PIEZO1: variants seen among roughly 807,000 people sequenced by gnomAD.
PIEZO1 encodes the protein piezo type mechanosensitive ion channel component 1 (Er blood group).
In PIEZO1, 296 loss-of-function variants were observed where a neutral mutation model predicts 297.2. The ratio of observed to expected loss-of-function variants is 1.00; its 90% CI spans 0.91 to 1.10. The LOEUF (loss-of-function observed/expected upper bound fraction) is 1.10, where lower values mean the gene tolerates loss of function less well. PIEZO1 is among the 50% of genes least tolerant of loss of function. The probability of loss-of-function intolerance (pLI) is 0.00; values close to 1 mark genes in which losing one functional copy is unlikely to be tolerated. For synonymous variants in PIEZO1, 2,427 were observed against 1,507.5 expected, an observed-to-expected ratio of 1.61 and a Z score of -14.13; for missense variants, 5,018 against 3,455.5, an observed-to-expected ratio of 1.45 and a Z score of -11.34.
At chr16:88,741,290 AG>A in intron 5 of PIEZO1, 187 bp downstream of exon 5, 2 of 548,000 alleles carry the variant, frequency 3.6e-6, no homozygotes, top group Non-Finnish European at 6.4e-6. Flanking sequence ...GAGTAGAAAC[AG>A]GTCTGAACGG....
At position 88,716,199 on chromosome 16, in the gene PIEZO1, G is replaced by A. The variant is rs750302950; in HGVS notation, c.7128C>T (p.Pro2376=). 9 of 1,500,998 alleles carry A rather than the reference G, an allele frequency of 6.0e-6. No homozygotes were observed. The highest frequency in any genetic ancestry group is 1.7e-4 in the Middle Eastern group (1 of 5,716). The allele number at this position is 1,500,998 out of a possible 1,614,324, so 93.0% of individuals were successfully genotyped here. ...PEANPVKQLQ[P]NEEADYLGVR... is the part of the protein sequence containing the mutation. ...CCCAACCCCCACGCCCATACTCACT[G>A]GGCTGCAGCTGCTTCACAGGGTTGG... Residue 2376 remains proline, a splice_region_variant and synonymous_variant, in exon 49 of 51, where the codon CCC becomes CCT. Coordinates refer to ENST00000301015, the MANE Select transcript of PIEZO1 (RefSeq NM_001142864.4).
At chr16:88,781,104 G>A (rs1907913290) in intron 1 of PIEZO1, among the ~76,000 whole-genome samples, 1 of 152,254 alleles carries the variant, frequency 6.6e-6, no homozygotes, top group Non-Finnish European at 1.5e-5. Context: ...GGACCCTGAC[G>A]ACTGCGGTGG....
At chr16:88,737,403 A>G in intron 10 of PIEZO1, 156 bp downstream of exon 10, 11 of 575,522 alleles carry the variant, frequency 1.9e-5, no homozygotes, top group Admixed American at 9.8e-5. Context: ...CTCGGGGGTC[A>G]CTGACACCGA....
chr16:88,733,135 A>G, intron 19 of PIEZO1, 143 bp downstream of exon 19: 1 of 737,262 alleles, frequency 1.4e-6, no homozygotes, highest in Non-Finnish European at 2.2e-6. Flanking sequence ...TGCCTCCAGG[A>G]AGCCCCCTTG....
intron 1 of PIEZO1, among the ~76,000 whole-genome samples, chr16:88,753,818 G>A (rs754569418): frequency 6.6e-6 from 1 of 152,220 alleles, no homozygotes; most frequent in Non-Finnish European, 1.5e-5. Flanking sequence ...TGGAGGAGAC[G>A]GCATTGCTTT....
At chr16:88,754,687 C>G (rs1327914287) in intron 1 of PIEZO1, among the ~76,000 whole-genome samples, 1 of 152,240 alleles carries the variant, frequency 6.6e-6, no homozygotes, top group African/African-American at 2.4e-5. Context: ...GACCCAAGGC[C>G]AGGATTTTGA....
At chr16:88,770,443 C>A (rs957979955) in intron 1 of PIEZO1, among the ~76,000 whole-genome samples, 6 of 152,222 alleles carry the variant, frequency 3.9e-5, no homozygotes, top group African/African-American at 1.4e-4. Flanking sequence ...CCTGGCCAGG[C>A]TGTAGCGAGG....
chr16:88,731,924 AGGGCGGGGTGT>A lies in PIEZO1; in HGVS notation c.2992-25_2992-15del. ...CAGGAAGCAGATCTGGGGAGGGGAGAGGGCGGGGTGTGGGGATGCACTGAGTCTGGGGGGAG... is the reference window on the plus strand; with the variant it reads ...CAGGAAGCAGATCTGGGGAGGGGAGAGGGGATGCACTGAGTCTGGGGGGAG... On this transcript the variant is annotated splice_polypyrimidine_tract_variant and intron_variant, in intron 21 of 50. Coordinates refer to ENST00000301015, the MANE Select transcript of PIEZO1 (RefSeq NM_001142864.4). 1.9e-6 allele frequency: 1 copy of A among 513,032 alleles called. No homozygotes were observed. Among genetic ancestry groups the A allele is most frequent in the Non-Finnish European group, 2.6e-6 (1 of 378,200 alleles). The allele number at this position is 513,032 out of a possible 1,614,324, so 31.8% of individuals were successfully genotyped here. A position where few individuals can be genotyped will look rare whatever the true frequency, so the allele number is the denominator to read the frequency against.
chr16:88,780,281 CCA>C (rs1478136570), intron 1 of PIEZO1, among the ~76,000 whole-genome samples: 3 of 152,204 alleles, frequency 2.0e-5, no homozygotes, highest in Non-Finnish European at 4.4e-5. Flanking sequence ...TTCCCTCACC[CCA>C]GAGTCCTAAT....
At chr16:88,721,488 G>T in intron 38 of PIEZO1, 50 bp downstream of exon 38, 1 of 1,538,302 alleles carries the variant, frequency 6.5e-7, no homozygotes, top group East Asian at 2.5e-5. Flanking sequence ...GAGCACAGGT[G>T]CCCAGAGGGC....
Position 88,722,375 on chromosome 16 carries a change from G to A in PIEZO1, c.4798C>T (p.Leu1600Phe), listed in dbSNP as rs1004475625. The A allele has an allele frequency of 2.6e-6, 4 of 1,517,896 alleles. No individual in the cohort carries two copies. The African/African-American group carries it at 5.5e-5, about 21-fold the overall frequency. The allele number at this position is 1,517,896 out of a possible 1,614,324, so 94.0% of individuals were successfully genotyped here. The change falls in exon 36 of 51, where the codon CTC becomes TTC. Residue 1600 changes from leucine (L) to phenylalanine (F), a missense_variant. Transcript: ENST00000301015. ...CCCATGTCGTCTGTCATGCTGCTGA[G>A]TGGCTCCTCCGCGCCCAGCCCACTG... Reference protein sequence around the residue: ...VSSGLGAEEPLSSMTDDMGSP... With the variant: ...VSSGLGAEEPFSSMTDDMGSP...
chr16:88,737,945 G>A lies in PIEZO1; in HGVS notation c.1009C>T (p.Pro337Ser), dbSNP rs556220156. Residue 337 changes from proline to serine, a missense_variant, in exon 8 of 51, where the codon CCC (proline) becomes TCC (serine). Coordinates refer to ENST00000301015, the MANE Select transcript of PIEZO1 (RefSeq NM_001142864.4). The part of the protein sequence containing the change: ...ASLRKLRAYR[P>S]SGQRKEAAKG... ...TGGCAGGTGCTCACCTGGCCGGAGG[G>A]GCGGTACGCGCGGAGCTTGCGCAGA... 3.5e-4 allele frequency: 532 copies of A among 1,530,454 alleles called. 2 individuals are homozygous for A. The highest frequency in any genetic ancestry group is 2.8e-3 in the Middle Eastern group (17 of 5,974). The allele number at this position is 1,530,454 out of a possible 1,614,324, so 94.8% of individuals were successfully genotyped here.
At chr16:88,770,178 G>C (rs963397546) in intron 1 of PIEZO1, among the ~76,000 whole-genome samples, 7 of 152,112 alleles carry the variant, frequency 4.6e-5, no homozygotes, top group African/African-American at 1.4e-4. Context: ...GCCTCGGTCT[G>C]TCGGGACAGA....
rs369524779 is a variant in PIEZO1 at position 88,720,304 on chromosome 16, G to A, written c.5950-21C>T. 60 of 1,550,142 alleles carry A rather than the reference G, an allele frequency of 3.9e-5. No homozygotes were observed. In the East Asian group the frequency reaches 1.1e-3, roughly 29 times the overall value. On this transcript the variant is annotated intron_variant, in intron 41 of 50. Transcript: ENST00000301015. ...TGCTTCTGTGGCCAGGAGAGCACAG[G>A]TCAGGGGGAGCCAAGCCCAGGGGAT...
At position 88,727,089 on chromosome 16, in the gene PIEZO1, C is replaced by T. The variant is rs573464245; in HGVS notation, c.3405G>A (p.Leu1135=). ...GGTTGGGCTCCCCCCGCAGCGGCTC[C>T]AGGCGGTCGGTGTTGACGCCAGCCA... The part of the protein sequence containing the change: ...QRMAGVNTDR[L]EPLRGEPNPV... Residue 1135 remains leucine (L), a synonymous_variant, in exon 24 of 51, where the codon CTG becomes CTA. Transcript: ENST00000301015. 2 of 1,549,846 alleles carry T rather than the reference C, an allele frequency of 1.3e-6. No homozygotes were observed. The highest frequency in any genetic ancestry group is 1.4e-5 in the African/African-American group (1 of 73,166).
At chr16:88,737,905 C>T in intron 8 of PIEZO1, 29 bp downstream of exon 8, 2 of 1,530,186 alleles carry the variant, frequency 1.3e-6, no homozygotes, top group Non-Finnish European at 1.8e-6. Context: ...CTGGCCTCAG[C>T]CCACCCACCA....
Position 88,716,215 on chromosome 16 carries a change from A to C in PIEZO1, c.7112T>G (p.Val2371Gly). 1 of 1,499,608 alleles carries C rather than the reference A, an allele frequency of 6.7e-7. No homozygotes were observed. The highest frequency in any genetic ancestry group is 1.3e-5 in the South Asian group (1 of 75,854). 92.9% of individuals were successfully genotyped at this position (1,499,608 alleles called of 1,614,324 possible). Residue 2371 changes from valine (V) to glycine (G), a missense_variant, in exon 49 of 51, where the codon GTG becomes GGG. Transcript: ENST00000301015. ...ATACTCACTGGGCTGCAGCTGCTTC[A>C]CAGGGTTGGCTTCGGGCCCGTTGGG... ...RAPNGPEANP[V>G]KQLQPNEEAD... is the part of the protein sequence containing the mutation.
At chr16:88,728,317 T>C (rs1904600570) in intron 22 of PIEZO1, among the ~76,000 whole-genome samples, 1 of 152,202 alleles carries the variant, frequency 6.6e-6, no homozygotes, top group Admixed American at 6.5e-5. Flanking sequence ...ACTGAGGGCA[T>C]GGATGTGACT....
chr16:88,763,194 C>CTGG lies in PIEZO1; in HGVS notation c.65-13716_65-13715insCCA, dbSNP rs1907009373. On this transcript the variant is annotated intron_variant, in intron 1 of 50. Coordinates refer to ENST00000301015, the MANE Select transcript of PIEZO1 (RefSeq NM_001142864.4). ...CCGGAGATAGGGATGAGACGCAGGGCCGGCTCCTGGCGGCTCAGGGCACTT... is the reference window on the plus strand; with the variant it reads ...CCGGAGATAGGGATGAGACGCAGGGCTGGCGGCTCCTGGCGGCTCAGGGCACTT... 3.3e-5 allele frequency among the ~76,000 whole-genome samples: 5 copies of CTGG among 152,304 alleles called. No homozygotes were observed. In the South Asian group the frequency reaches 1.0e-3, roughly 32 times the overall value.
Sources: gnomAD v4.1 joint callset for allele counts (sites outside exome capture counted in the v4.1 genomes callset) on GRCh38, gnomAD v4.1.1 for gene constraint, MANE v1.5 for transcripts, NCBI Gene and HGNC (gene_info 2026-07-23, HGNC 2026-07-21) for gene names.